The following PTAFR variants were observed in gnomAD, a reference collection of about 807,000 sequenced individuals.
PTAFR encodes the protein platelet activating factor receptor, also known as platelet-activating factor receptor.
In PTAFR, 8 loss-of-function variants were observed where a neutral mutation model predicts 14.7. The observed-to-expected ratio is 0.54, with a 90% CI of 0.32 to 0.98. The LOEUF (loss-of-function observed/expected upper bound fraction) is 0.98, where lower values mean the gene tolerates loss of function less well. PTAFR is among the 50% of genes least tolerant of loss of function. PTAFR has a pLI of 0.04. For synonymous variants in PTAFR, 156 were observed against 176.5 expected (o/e 0.88, Z 0.92); for missense variants, 337 against 451.2 (o/e 0.75, Z 2.29).
chr1:28,189,862 C>T (rs1459422817), intron 1 of PTAFR, among the ~76,000 whole-genome samples: 2 of 151,964 alleles, frequency 1.3e-5, no homozygotes, highest in African/African-American at 4.8e-5. Context: ...GACAGGGTTT[C>T]ACCATGTTGG....
chr1:28,192,637 G>GTT (rs372014225), intron 1 of PTAFR, among the ~76,000 whole-genome samples: 1 of 146,978 alleles, frequency 6.8e-6, no homozygotes, highest in Non-Finnish European at 1.5e-5. Flanking sequence ...TAAATGCTGG[G>GTT]TTTTTTTTTT....
At chr1:28,167,656 T>TTTTTG (rs1646401510) in intron 1 of PTAFR, among the ~76,000 whole-genome samples, 1 of 141,128 alleles carries the variant, frequency 7.1e-6, no homozygotes, top group African/African-American at 2.7e-5. Flanking sequence ...TTTTTTTTTT[T>TTTTTG]TTTTTTTGAG....
chr1:28,163,759 A>G (rs1182653555), intron 1 of PTAFR, among the ~76,000 whole-genome samples: 1 of 152,210 alleles, frequency 6.6e-6, no homozygotes, highest in Non-Finnish European at 1.5e-5. Flanking sequence ...CTGTGGGCCA[A>G]CATTGACCTA....
chr1:28,181,837 T>C (rs1331446654), intron 1 of PTAFR, among the ~76,000 whole-genome samples: 1 of 152,086 alleles, frequency 6.6e-6, no homozygotes, highest in African/African-American at 2.4e-5. Flanking sequence ...AGGTCAAGCA[T>C]AGGAGCTCAT....
intron 1 of PTAFR, among the ~76,000 whole-genome samples, chr1:28,184,085 T>G (rs1212645516): frequency 4.1e-5 from 2 of 48,396 alleles, no homozygotes; most frequent in South Asian, 5.1e-4. Context: ...TTAGTCTGTT[T>G]TTTTTTTTTT....
rs771510178 is a variant in PTAFR at position 28,150,073 on chromosome 1, A to G, written c.949T>C (p.Cys317Arg). ...KFYSMRSSRKCSRATTDTVTE... is the reference protein window; with the variant it reads ...KFYSMRSSRKRSRATTDTVTE... Reference sequence around the variant, plus strand: ...ACCGTATCCGTGGTGGCCCGGGAGCATTTCCGGCTACTGCGCATGCTGTAG... The same window carrying G: ...ACCGTATCCGTGGTGGCCCGGGAGCGTTTCCGGCTACTGCGCATGCTGTAG... The change falls in exon 2 of 2, where the codon TGC (cysteine) becomes CGC (arginine). Residue 317 changes from cysteine (C) to arginine (R), a missense_variant. By Grantham distance (180) the Cys-to-Arg change is radical. Coordinates refer to ENST00000373857, the MANE Select transcript of PTAFR (RefSeq NM_000952.5). The surrounding 1 kb of genome is among the most constrained non-coding windows in gnomAD (Gnocchi z 6.3). The G allele has an allele frequency of 2.5e-6, 4 of 1,614,128 alleles. No homozygotes were observed. Among genetic ancestry groups the G allele is most frequent in the East Asian group, 4.5e-5 (2 of 44,880 alleles).
chr1:28,158,437 C>T (rs1039646193), intron 1 of PTAFR, among the ~76,000 whole-genome samples: 7 of 152,186 alleles, frequency 4.6e-5, no homozygotes, highest in Admixed American at 2.0e-4. Flanking sequence ...CGGTGGCTCA[C>T]GCCTGTAATC....
rs551752862 is a variant in PTAFR, at chr1:28,191,128, C to T, written c.-39+2594G>A. 4.6e-5 allele frequency among the ~76,000 whole-genome samples: 7 copies of T among 152,356 alleles called. No individual in the cohort carries two copies. In the South Asian group the frequency reaches 1.4e-3, roughly 32 times the overall value. ...AGCAAAGCAAGACCTGCTCCGCTCC[C>T]TATCTTGTAAGAAAGGTCACCGTGG... is the stretch of plus-strand genomic sequence containing the variant. On this transcript the variant is annotated intron_variant, in intron 1 of 1. Coordinates refer to the PTAFR transcript ENST00000305392.
chr1:28,180,272 C>G (rs936905783), upstream of PTAFR, among the ~76,000 whole-genome samples: 1 of 151,834 alleles, frequency 6.6e-6, no homozygotes, highest in Non-Finnish European at 1.5e-5. Flanking sequence ...CCCAACTACC[C>G]GGGAGGCTGA....
intron 1 of PTAFR, among the ~76,000 whole-genome samples, chr1:28,166,131 T>A (rs548017215): frequency 6.6e-6 from 1 of 152,146 alleles, no homozygotes; most frequent in Non-Finnish European, 1.5e-5. Flanking sequence ...TGGGACAGAA[T>A]AGAGAGACCC....
chr1:28,162,829 C>CAAAA (rs529755155), intron 1 of PTAFR, among the ~76,000 whole-genome samples: 20 of 59,124 alleles, frequency 3.4e-4, no homozygotes, highest in East Asian at 5.0e-4. Flanking sequence ...ACTTTGTCTC[C>CAAAA]AAAAAAAAAA....
At chr1:28,172,065 G>T (rs547989411) in intron 1 of PTAFR, among the ~76,000 whole-genome samples, 1 of 152,124 alleles carries the variant, frequency 6.6e-6, no homozygotes, top group East Asian at 1.9e-4. Context: ...ACCTAGGCTG[G>T]AGTGCAATGA....
intron 1 of PTAFR, among the ~76,000 whole-genome samples, chr1:28,169,189 A>G (rs1646425303): frequency 6.6e-6 from 1 of 151,992 alleles, no homozygotes; most frequent in Admixed American, 6.5e-5. Flanking sequence ...TGAGCCCAGG[A>G]GTTTGAGACC....
intron 1 of PTAFR, among the ~76,000 whole-genome samples, chr1:28,159,734 G>A (rs1156430016): frequency 1.3e-5 from 2 of 151,886 alleles, no homozygotes; most frequent in Non-Finnish European, 2.9e-5. Context: ...GCTGAGGCAG[G>A]AGAATCGCTT....
chr1:28,167,347 T>C lies in PTAFR; in HGVS notation c.-39+9245A>G, dbSNP rs2761458. Among the ~76,000 whole-genome samples the C allele has an allele frequency of 7.5e-3, 1,146 of 152,174 alleles. 11 individuals carry two copies. The highest frequency in any genetic ancestry group is 0.027 in the Middle Eastern group (8 of 294). On this transcript the variant is annotated intron_variant, in intron 1 of 1. Transcript: ENST00000373857. ...GACGATATACCAATGACCATAAACA[T>C]GTGAAAAGATGGCTCAATATCACTG...
At chr1:28,158,296 G>T (rs1023604672) in intron 1 of PTAFR, among the ~76,000 whole-genome samples, 1 of 152,224 alleles carries the variant, frequency 6.6e-6, no homozygotes, top group Non-Finnish European at 1.5e-5. Flanking sequence ...ACAGGGGACT[G>T]CGGGACAGAG....
intron 1 of PTAFR, among the ~76,000 whole-genome samples, chr1:28,173,670 GA>G (rs1646478718): frequency 2.0e-5 from 3 of 149,736 alleles, no homozygotes; most frequent in African/African-American, 4.9e-5. Context: ...AAAAAAAGAG[GA>G]GGGGGGGCGG....
chr1:28,161,402 A>G (rs1432735716), intron 1 of PTAFR, among the ~76,000 whole-genome samples: 1 of 152,244 alleles, frequency 6.6e-6, no homozygotes, highest in Non-Finnish European at 1.5e-5. Context: ...GTTGGGGGAA[A>G]CAGTCAAAAA....
At chr1:28,180,733 A>G (rs1324842568), upstream of PTAFR, among the ~76,000 whole-genome samples, 1 of 152,210 alleles carries the variant, frequency 6.6e-6, no homozygotes, top group Non-Finnish European at 1.5e-5. Context: ...TATTGATAAT[A>G]GCATTAAGAG....
Sources: allele counts gnomAD v4.1 joint callset (sites outside exome capture counted in the v4.1 genomes callset), GRCh38; gene constraint gnomAD v4.1.1; non-coding constraint Gnocchi (gnomAD v3.1); transcripts MANE v1.5; gene names NCBI Gene and HGNC (gene_info 2026-07-23, HGNC 2026-07-21).